ASTN2: variants seen among roughly 807,000 people sequenced by gnomAD.
ASTN2 encodes the protein astrotactin 2.
In ASTN2, 54 loss-of-function variants were observed where a neutral mutation model predicts 139.8. The observed-to-expected ratio is 0.39, with a 90% CI of 0.31 to 0.48. The LOEUF is 0.48. Among genes scored for constraint, ASTN2 ranks in the 20% least tolerant of loss-of-function variants. The pLI is 0.95. For synonymous variants in ASTN2, 756 were observed against 719.5 expected (o/e 1.05, Z -0.81); for missense variants, 1,565 against 1,725.1 (o/e 0.91, Z 1.64).
chr9:117,336,018 T>C (rs999154925), intron 1 of ASTN2, among the ~76,000 whole-genome samples: 3 of 137,374 alleles, frequency 2.2e-5, no homozygotes, highest in African/African-American at 8.3e-5. Flanking sequence ...AAATTGGCAG[T>C]GAGTGTAGGC....
intron 13 of ASTN2, among the ~76,000 whole-genome samples, chr9:116,749,598 G>T (rs1829344932): frequency 6.6e-6 from 1 of 152,156 alleles, no homozygotes; most frequent in African/African-American, 2.4e-5. Context: ...TTGCCATGGT[G>T]TGTCTATTTC....
At chr9:116,762,084 A>T (rs1271995839) in intron 13 of ASTN2, among the ~76,000 whole-genome samples, 2 of 152,192 alleles carry the variant, frequency 1.3e-5, no homozygotes, top group Non-Finnish European at 2.9e-5. Context: ...TTCAGTGAAG[A>T]ACTAATGAGA....
chr9:116,586,835 C>CACACAT (rs1554717127), intron 19 of ASTN2, among the ~76,000 whole-genome samples: 42 of 144,118 alleles, frequency 2.9e-4, no homozygotes, highest in South Asian at 7.0e-4. Flanking sequence ...CATACATACA[C>CACACAT]ACACACACAC....
At chr9:117,405,452 A>G (rs568876205) in intron 1 of ASTN2, among the ~76,000 whole-genome samples, 1 of 152,338 alleles carries the variant, frequency 6.6e-6, no homozygotes, top group African/African-American at 2.4e-5. Context: ...GGCACCTGGG[A>G]CATAGTACAT....
intron 1 of ASTN2, among the ~76,000 whole-genome samples, chr9:117,359,749 G>A (rs1432133051): frequency 6.6e-6 from 1 of 152,112 alleles, no homozygotes; most frequent in Non-Finnish European, 1.5e-5. Flanking sequence ...AGAGACAGGG[G>A]GAAGGAGTGG....
chr9:116,451,715 A>G (rs1346919149), intron 20 of ASTN2, among the ~76,000 whole-genome samples: 2 of 152,158 alleles, frequency 1.3e-5, no homozygotes, highest in Non-Finnish European at 2.9e-5. Flanking sequence ...TCAACCACCT[A>G]CAGGACTCTC....
At chr9:116,492,902 G>A (rs1410755865) in intron 19 of ASTN2, among the ~76,000 whole-genome samples, 1 of 152,142 alleles carries the variant, frequency 6.6e-6, no homozygotes, top group Non-Finnish European at 1.5e-5. Flanking sequence ...AACACTAACA[G>A]GAGAGAGATT....
intron 20 of ASTN2, among the ~76,000 whole-genome samples, chr9:116,465,401 T>C (rs749735368): frequency 6.6e-6 from 1 of 152,150 alleles, no homozygotes; most frequent in Non-Finnish European, 1.5e-5. Context: ...CCGGCCCTGA[T>C]AAGACCTCGC....
At chr9:116,863,094 G>A (rs1467836653) in intron 11 of ASTN2, among the ~76,000 whole-genome samples, 2 of 151,988 alleles carry the variant, frequency 1.3e-5, no homozygotes, top group East Asian at 3.9e-4. Context: ...TTTCCCTAAT[G>A]TAAGTTGACT....
chr9:116,698,422 T>C lies in ASTN2; in HGVS notation c.2806+27349A>G. On this transcript the variant is annotated intron_variant, in intron 16 of 22. Transcript: ENST00000313400. The surrounding 1 kb of genome is among the most constrained non-coding windows in gnomAD (Gnocchi z 4.4). ...CAAGTGGTAGAGGAGCAGAGTTACC[T>C]GCTTAACATTGCAGAGGTGCAGGCT... 6.2e-7 allele frequency: 1 copy of C among 1,614,112 alleles called. No individual in the cohort carries two copies. The highest frequency in any genetic ancestry group is 1.1e-5 in the South Asian group (1 of 91,078).
chr9:116,801,399 A>G (rs1469392870), intron 13 of ASTN2, among the ~76,000 whole-genome samples: 2 of 151,672 alleles, frequency 1.3e-5, no homozygotes, highest in Non-Finnish European at 2.9e-5. Context: ...TGGCTAACAC[A>G]GCGAAACCCC....
chr9:117,340,533 G>T (rs772081692), intron 1 of ASTN2, among the ~76,000 whole-genome samples: 11 of 151,878 alleles, frequency 7.2e-5, no homozygotes, highest in Non-Finnish European at 1.6e-4. Flanking sequence ...TAAGACCTGT[G>T]GGGGGAATGA....
chr9:117,326,832 ATAAG>A (rs1200674352), intron 1 of ASTN2, among the ~76,000 whole-genome samples: 6 of 152,188 alleles, frequency 3.9e-5, no homozygotes, highest in Admixed American at 2.0e-4. Flanking sequence ...AGTGATGGTG[ATAAG>A]TAAGTCCTCA....
chr9:117,411,446 CAAAAAAA>C (rs199996219), intron 1 of ASTN2, among the ~76,000 whole-genome samples: 2,085 of 43,268 alleles, frequency 0.048, 83 homozygotes, highest in East Asian at 0.3. Context: ...AAAGGATCTG[CAAAAAAA>C]AAAAAAAAAA....
intron 2 of ASTN2, among the ~76,000 whole-genome samples, chr9:117,229,177 G>A (rs920742399): frequency 3.3e-5 from 5 of 152,094 alleles, no homozygotes; most frequent in African/African-American, 1.2e-4. Flanking sequence ...CAGGGCCCAG[G>A]CTGCAGGGGA....
At chr9:116,950,591 A>G (rs926596336) in intron 10 of ASTN2, among the ~76,000 whole-genome samples, 2 of 152,194 alleles carry the variant, frequency 1.3e-5, no homozygotes, top group African/African-American at 4.8e-5. Context: ...AAAGTTTGTC[A>G]CGGGAAGTTA....
In ASTN2 at chr9:116,487,363, A is replaced by G. The variant is rs762152883; in HGVS notation, c.3493T>C (p.Tyr1165His). 2 of 1,613,950 alleles carry G rather than the reference A, an allele frequency of 1.2e-6. No individual in the cohort carries two copies. The highest frequency in any genetic ancestry group is 2.2e-5 in the East Asian group (1 of 44,874). ...CACACACCCAACACATCTTACTTGT[A>G]GAGACCGTCGGGCTCCAGACACTTG... ...IFKCLEPDGL[Y>H]KFTLYAVDTR... The change falls in exon 20 of 23, where the codon TAC becomes CAC. Residue 1165 changes from tyrosine to histidine, a missense_variant. This residue lies in a region of ASTN2 where 418 missense variants were observed against 465.8 expected (regional missense o/e 0.90). Coordinates refer to ENST00000313400, the MANE Select transcript of ASTN2 (RefSeq NM_001365068.1).
At position 116,485,937 on chromosome 9, in the gene ASTN2, T is replaced by C. The variant is rs1305150923; in HGVS notation, c.3497+1422A>G. On this transcript the variant is annotated intron_variant, in intron 20 of 22. Transcript: ENST00000313400. The stretch of plus-strand genomic sequence containing the variant: ...AGAGGCAGGGAGAGGAAGGGGAAAA[T>C]GGGTTGTGCTTTGAGGTAAGCAAGG... Among the ~76,000 whole-genome samples the C allele has an allele frequency of 2.0e-5, 3 of 152,040 alleles. No individual in the cohort carries two copies. In the South Asian group the frequency reaches 6.2e-4, roughly 32 times the overall value.
Position 116,905,228 on chromosome 9 carries a change from C to T in ASTN2, c.1890-41495G>A, listed in dbSNP as rs753844855. The stretch of plus-strand genomic sequence containing the variant: ...GTGTGCTCCTTTTGAAATGTCCTAG[C>T]GGAAATAAATGTACAACCTATTGTA... On this transcript the variant is annotated intron_variant, in intron 10 of 22. Coordinates refer to ENST00000313400, the MANE Select transcript of ASTN2 (RefSeq NM_001365068.1). 4.6e-5 allele frequency among the ~76,000 whole-genome samples: 7 copies of T among 152,062 alleles called. No individual in the cohort carries two copies. In the South Asian group the frequency reaches 6.2e-4, roughly 14 times the overall value.
Sources: allele counts gnomAD v4.1 joint callset (sites outside exome capture counted in the v4.1 genomes callset), GRCh38; gene constraint gnomAD v4.1.1; regional missense constraint gnomAD v4.1.1; non-coding constraint Gnocchi (gnomAD v3.1); transcripts MANE v1.5; gene names NCBI Gene and HGNC (gene_info 2026-07-23, HGNC 2026-07-21).